Variants in GABRD observed in about 807,000 individuals in gnomAD.
GABRD encodes the protein gamma-aminobutyric acid receptor subunit delta.
In GABRD, 25 loss-of-function variants were observed where a neutral mutation model predicts 47.3. The ratio of observed to expected loss-of-function variants is 0.53; its 90% CI spans 0.39 to 0.74. GABRD has a LOEUF of 0.74. Ranked by LOEUF, GABRD falls within the 30% of genes least tolerant of loss-of-function variation. The pLI is 0.00. For missense variants in GABRD, 497 were observed against 643.4 expected, an observed-to-expected ratio of 0.77 and a Z score of 2.46; for synonymous variants, 314 against 278.8, an observed-to-expected ratio of 1.13 and a Z score of -1.26.
At chr1:2,025,113 C>T in intron 2 of GABRD, 59 bp downstream of exon 2, 1 of 1,456,626 alleles carries the variant, frequency 6.9e-7, no homozygotes, top group Non-Finnish European at 9.5e-7. Flanking sequence ...TAGGCCGTGG[C>T]TGTGTGGCCC....
rs775540162 is a variant in GABRD, at chr1:2,030,072, C to T, written c.1149C>T (p.Val383=). Reference sequence around the variant, plus strand: ...CCATCTCCCGCCGGCAGCGCCGCGTCCCGGGGAACCTGATGGGCTCCTACA... The same window carrying T: ...CCATCTCCCGCCGGCAGCGCCGCGTTCCGGGGAACCTGATGGGCTCCTACA... ...ELAISRRQRR[V]PGNLMGSYRS... Residue 383 remains valine (V), a synonymous_variant, in exon 9 of 9, where the codon GTC becomes GTT. Transcript: ENST00000378585. 1.2e-6 allele frequency: 2 copies of T among 1,609,012 alleles called. No individual in the cohort carries two copies. Among genetic ancestry groups the T allele is most frequent in the Non-Finnish European group, 1.7e-6 (2 of 1,178,152 alleles).
intron 1 of GABRD, among the ~76,000 whole-genome samples, chr1:2,021,889 T>G (rs1320420248): frequency 4.6e-5 from 7 of 152,222 alleles, no homozygotes; most frequent in Admixed American, 2.0e-4. Flanking sequence ...CTTCCCTGTC[T>G]GTCCCCAGGG....
At chr1:2,027,394 G>A in intron 4 of GABRD, 183 bp from the exon 5 acceptor site, 1 of 658,618 alleles carries the variant, frequency 1.5e-6, no homozygotes, top group South Asian at 1.7e-5. Context: ...GGTCCTAAAG[G>A]AATACTTGAC....
In GABRD at chr1:2,025,001, A is replaced by T. The variant is rs760114023; in HGVS notation, c.128A>T (p.Asn43Ile). The T allele has an allele frequency of 6.2e-7, 1 of 1,612,860 alleles. No individual in the cohort carries two copies. The highest frequency in any genetic ancestry group is 1.1e-5 in the South Asian group (1 of 91,088). Residue 43 changes from asparagine (N) to isoleucine (I), a missense_variant, in exon 2 of 9, where the codon AAC becomes ATC. Physicochemically the swap from Asn to Ile is moderately radical, Grantham distance 149. This residue lies in a region of GABRD where 91 missense variants were observed against 85.5 expected (regional missense o/e 1.06). Coordinates refer to ENST00000378585, the MANE Select transcript of GABRD (RefSeq NM_000815.5). ...AACCTGGAGATCTCCTGGCTCCCCA[A>T]CCTGGACGGGCTGATAGCCGGCTAC... ...GSNLEISWLP[N>I]LDGLIAGYAR...
At chr1:2,020,650 C>G (rs1235415977) in intron 1 of GABRD, among the ~76,000 whole-genome samples, 1 of 152,208 alleles carries the variant, frequency 6.6e-6, no homozygotes, top group Non-Finnish European at 1.5e-5. Context: ...TTGTCCTTCC[C>G]CTCCTTCAAG....
rs1297570737 is a variant in GABRD at position 2,028,491 on chromosome 1, G to A, written c.691+199G>A. On this transcript the variant is annotated intron_variant, in intron 6 of 8. Transcript: ENST00000378585. The surrounding 1 kb of genome is among the most constrained non-coding windows in gnomAD (Gnocchi z 6.4). ...TGCTGCCTTAGGAACTTGCTCATTG[G>A]CACCAGCTGCACCTGAACCAGGGCT... Among the ~76,000 whole-genome samples the A allele has an allele frequency of 1.3e-5, 2 of 152,174 alleles. No homozygotes were observed. The highest frequency in any genetic ancestry group is 3.9e-4 in the East Asian group (2 of 5,176).
At position 2,028,396 on chromosome 1, in the gene GABRD, C is replaced by CCCTTCCGCG; in HGVS notation, c.691+104_691+105insCCTTCCGCG. The CCCTTCCGCG allele has an allele frequency of 8.1e-7, 1 of 1,240,084 alleles. No individual in the cohort carries two copies. Among genetic ancestry groups the CCCTTCCGCG allele is most frequent in the African/African-American group, 1.6e-5 (1 of 61,074 alleles). 76.8% of individuals were successfully genotyped at this position (1,240,084 alleles called of 1,614,324 possible). ...CACCGCCCCTTCCGCGTGCGCCCGCCTGTGGTTTTCATGCTTTTTAGTCAA... is the reference window on the plus strand; with the variant it reads ...CACCGCCCCTTCCGCGTGCGCCCGCCCCTTCCGCGTGTGGTTTTCATGCTTTTTAGTCAA... On this transcript the variant is annotated intron_variant, in intron 6 of 8. Transcript: ENST00000378585. This position sits in a 1 kb window ranked among gnomAD's most constrained non-coding sequence, Gnocchi z 6.4.
chr1:2,020,783 C>T (rs1658751964), intron 1 of GABRD, among the ~76,000 whole-genome samples: 1 of 152,226 alleles, frequency 6.6e-6, no homozygotes, highest in African/African-American at 2.4e-5. Context: ...GCTCTGAAAC[C>T]CCAAAGTTTT....
intron 1 of GABRD, among the ~76,000 whole-genome samples, chr1:2,020,831 T>G (rs1658752540): frequency 6.6e-6 from 1 of 152,222 alleles, no homozygotes; most frequent in Non-Finnish European, 1.5e-5. Context: ...TGGCAGCAAG[T>G]CCCGTCCCGC....
At chr1:2,021,633 G>A (rs1362997149) in intron 1 of GABRD, among the ~76,000 whole-genome samples, 2 of 152,182 alleles carry the variant, frequency 1.3e-5, no homozygotes, top group South Asian at 2.1e-4. Flanking sequence ...GGCAGGCACC[G>A]AGCTTGCCGA....
chr1:2,030,179 T>C lies in GABRD; in HGVS notation c.1256T>C (p.Leu419Pro). The change falls in exon 9 of 9, where the codon CTC becomes CCC. Residue 419 changes from leucine (L) to proline (P), a missense_variant. Physicochemically the swap from Leu to Pro is moderately conservative, Grantham distance 98. Transcript: ENST00000378585. ...SGGQGGIRAR[L>P]RPIDADTIDI... Reference sequence around the variant, plus strand: ...GGCCAGGGGGGCATCCGTGCCCGGCTCAGGCCCATCGACGCAGACACCATT... The same window carrying C: ...GGCCAGGGGGGCATCCGTGCCCGGCCCAGGCCCATCGACGCAGACACCATT... 1 of 1,569,458 alleles carries C rather than the reference T, an allele frequency of 6.4e-7. No individual in the cohort carries two copies. Among genetic ancestry groups the C allele is most frequent in the Non-Finnish European group, 8.6e-7 (1 of 1,157,240 alleles).
chr1:2,022,662 C>T (rs1658811996), intron 1 of GABRD, among the ~76,000 whole-genome samples: 1 of 152,262 alleles, frequency 6.6e-6, no homozygotes, highest in African/African-American at 2.4e-5. Context: ...AAGGCAACTG[C>T]CATTTGCATT....
At position 2,029,108 on chromosome 1, in the gene GABRD, C is replaced by A. The variant is rs749691257; in HGVS notation, c.692-3C>A. 12 of 1,540,460 alleles carry A rather than the reference C, an allele frequency of 7.8e-6. No individual in the cohort carries two copies. In the African/African-American group the frequency reaches 1.5e-4, roughly 19 times the overall value. On this transcript the variant is annotated splice_region_variant and splice_polypyrimidine_tract_variant and intron_variant, in intron 6 of 8. Transcript: ENST00000378585. Reference sequence around the variant, plus strand: ...GGGGCACTGACGGTGGCTGTCCTGGCAGCTGGCCAGTTCCCACGGCTCAGC... The same window carrying A: ...GGGGCACTGACGGTGGCTGTCCTGGAAGCTGGCCAGTTCCCACGGCTCAGC...
intron 1 of GABRD, among the ~76,000 whole-genome samples, chr1:2,022,562 G>A (rs557287169): frequency 2.0e-5 from 3 of 152,374 alleles, no homozygotes; most frequent in African/African-American, 4.8e-5. Context: ...GAAGGACGGT[G>A]TCTCCTGTGG....
At chr1:2,026,084 C>T (rs974337229) in intron 4 of GABRD, among the ~76,000 whole-genome samples, 5 of 152,220 alleles carry the variant, frequency 3.3e-5, no homozygotes, top group Admixed American at 3.3e-4. Flanking sequence ...GCAACCCCAC[C>T]TCTGTCTGGT....
Position 2,029,735 on chromosome 1 carries a change from G to C in GABRD, c.1032G>C (p.Lys344Asn). ...NADYRKKQKA[K>N]VKVSRPRAEM... ...ACTACAGGAAGAAGCAGAAGGCCAA[G>C]GTCAAGGTCTCCAGGCCGAGGGCAG... The change falls in exon 8 of 9, where the codon AAG (lysine) becomes AAC (asparagine). Residue 344 changes from lysine (K) to asparagine (N), a missense_variant. Coordinates refer to ENST00000378585, the MANE Select transcript of GABRD (RefSeq NM_000815.5). The C allele has an allele frequency of 6.2e-7, 1 of 1,613,214 alleles. No individual in the cohort carries two copies.
chr1:2,030,200 C>G lies in GABRD; in HGVS notation c.1277C>G (p.Thr426Ser). 1 of 1,561,152 alleles carries G rather than the reference C, an allele frequency of 6.4e-7. No homozygotes were observed. The highest frequency in any genetic ancestry group is 2.3e-5 in the East Asian group (1 of 44,224). The change falls in exon 9 of 9, where the codon ACC (threonine) becomes AGC (serine). Residue 426 changes from threonine to serine, a missense_variant. Physicochemically the swap from Thr to Ser is moderately conservative, Grantham distance 58. This residue lies in a region of GABRD where 121 missense variants were observed against 121.3 expected (regional missense o/e 1.00). Transcript: ENST00000378585. ...CGGCTCAGGCCCATCGACGCAGACA[C>G]CATTGACATTTACGCCCGCGCTGTG... is the stretch of plus-strand genomic sequence containing the variant. The part of the protein sequence containing the change: ...RARLRPIDAD[T>S]IDIYARAVFP...
rs1405534828 is a variant in GABRD, at chr1:2,028,941, C to G, written c.692-170C>G. The G allele has an allele frequency of 1.3e-6, 1 of 786,190 alleles. No individual in the cohort carries two copies. The highest frequency in any genetic ancestry group is 2.0e-6 in the Non-Finnish European group (1 of 504,080). 48.7% of individuals were successfully genotyped at this position (786,190 alleles called of 1,614,324 possible). A position where few individuals can be genotyped will look rare whatever the true frequency, so the allele number is the denominator to read the frequency against. ...CCTGTCCTGTGGCCAGACCTAGGGC[C>G]GGAGGCCCCCTGACATTTCAGGCCA... On this transcript the variant is annotated intron_variant, in intron 6 of 8. Transcript: ENST00000378585. This position sits in a 1 kb window ranked among gnomAD's most constrained non-coding sequence, Gnocchi z 6.4.
chr1:2,025,150 A>G, intron 2 of GABRD, 96 bp downstream of exon 2: 1 of 1,302,796 alleles, frequency 7.7e-7, no homozygotes, highest in Non-Finnish European at 1.1e-6. Flanking sequence ...GCCTCTAGGC[A>G]AGGAAGCCTG....
Sources: allele counts gnomAD v4.1 joint callset (sites outside exome capture counted in the v4.1 genomes callset), GRCh38; gene constraint gnomAD v4.1.1; regional missense constraint gnomAD v4.1.1; non-coding constraint Gnocchi (gnomAD v3.1); transcripts MANE v1.5; gene names NCBI Gene and HGNC (gene_info 2026-07-23, HGNC 2026-07-21).